ARHGAP32: variants seen among roughly 807,000 people sequenced by gnomAD.
ARHGAP32 encodes the protein Rho GTPase activating protein 32.
In ARHGAP32, 51 loss-of-function variants were observed where a neutral mutation model predicts 186.5. That is an observed-to-expected ratio of 0.27 (90% CI 0.22 to 0.35). The LOEUF (loss-of-function observed/expected upper bound fraction) is 0.35, where lower values mean the gene tolerates loss of function less well. Among genes scored for constraint, ARHGAP32 ranks in the 10% least tolerant of loss-of-function variants. The probability of loss-of-function intolerance (pLI) is 1.00; values close to 1 mark genes in which losing one functional copy is unlikely to be tolerated. For synonymous variants in ARHGAP32, 950 were observed against 964.3 expected (o/e 0.99, Z 0.27); for missense variants, 2,186 against 2,623.5 (o/e 0.83, Z 3.64).
At chr11:128,984,343 C>T (rs1473833932) in intron 15 of ARHGAP32, among the ~76,000 whole-genome samples, 1 of 151,710 alleles carries the variant, frequency 6.6e-6, no homozygotes, top group Admixed American at 6.6e-5. Context: ...CCACTGCACT[C>T]CAGCCTGGGT....
At chr11:129,069,105 T>C (rs1940790270) in intron 6 of ARHGAP32, among the ~76,000 whole-genome samples, 1 of 152,088 alleles carries the variant, frequency 6.6e-6, no homozygotes, top group South Asian at 2.1e-4. Flanking sequence ...TTTTAGAAAC[T>C]GCATTTGAAA....
intron 1 of ARHGAP32, among the ~76,000 whole-genome samples, chr11:129,239,567 C>T (rs1369681622): frequency 6.6e-6 from 1 of 152,050 alleles, no homozygotes; most frequent in Non-Finnish European, 1.5e-5. Context: ...TGGATGATAC[C>T]AATTCTGCTA....
intron 1 of ARHGAP32, among the ~76,000 whole-genome samples, chr11:129,214,081 C>T (rs1190157952): frequency 3.3e-5 from 5 of 151,560 alleles, no homozygotes; most frequent in Non-Finnish European, 7.4e-5. Context: ...AATAACTGAC[C>T]AGTACTAGTC....
chr11:129,153,208 CA>C (rs1943328220), intron 2 of ARHGAP32, among the ~76,000 whole-genome samples: 2 of 151,218 alleles, frequency 1.3e-5, no homozygotes, highest in Admixed American at 6.6e-5. Flanking sequence ...AGGAAAACTG[CA>C]AAACACTGCT....
chr11:129,209,267 TTTAA>T (rs1189876283), intron 1 of ARHGAP32, among the ~76,000 whole-genome samples: 1 of 152,094 alleles, frequency 6.6e-6, no homozygotes, highest in Non-Finnish European at 1.5e-5. Flanking sequence ...TGAAAATTAT[TTTAA>T]TTAGAACTTA....
At chr11:128,992,294 C>G (rs998682276) in intron 12 of ARHGAP32, among the ~76,000 whole-genome samples, 1 of 151,938 alleles carries the variant, frequency 6.6e-6, no homozygotes, top group Non-Finnish European at 1.5e-5. Context: ...TTCTATAAAA[C>G]TCTCACTATT....
chr11:128,989,678 T>C (rs958323656), intron 12 of ARHGAP32, among the ~76,000 whole-genome samples: 3 of 152,094 alleles, frequency 2.0e-5, no homozygotes, highest in Admixed American at 2.0e-4. Flanking sequence ...ATCATCTACA[T>C]TGAGTATTTC....
chr11:129,066,640 T>C (rs1940699795), intron 7 of ARHGAP32, 91 bp downstream of exon 7: 1 of 1,207,334 alleles, frequency 8.3e-7, no homozygotes, highest in Non-Finnish European at 1.1e-6. Flanking sequence ...CCCTGCGTGT[T>C]CAGTATAAGC....
intron 8 of ARHGAP32, 88 bp from the exon 9 acceptor site, chr11:129,064,112 T>G: frequency 1.6e-6 from 2 of 1,274,288 alleles, no homozygotes; most frequent in East Asian, 5.1e-5. Flanking sequence ...CATTTTAATT[T>G]AGAGATACAA....
intron 5 of ARHGAP32, among the ~76,000 whole-genome samples, chr11:129,108,851 G>A (rs1942122977): frequency 6.6e-6 from 1 of 152,098 alleles, no homozygotes; most frequent in Admixed American, 6.5e-5. Flanking sequence ...AGCACAGAAA[G>A]CGTCATTACC....
intron 10 of ARHGAP32, among the ~76,000 whole-genome samples, chr11:129,048,542 A>G (rs1939906904): frequency 6.6e-6 from 1 of 152,130 alleles, no homozygotes; most frequent in African/African-American, 2.4e-5. Context: ...CCAAAGGGTG[A>G]AGGGTTTAAG....
chr11:129,177,787 T>G lies in ARHGAP32; in HGVS notation c.117-13360A>C, dbSNP rs558354872. On this transcript the variant is annotated intron_variant, in intron 1 of 22. Transcript: ENST00000682385. ...AAATTAGGTATTGATGGGACATATC[T>G]CAAAATAATAAGAGCTATCTATGAC... is the stretch of plus-strand genomic sequence containing the variant. Among the ~76,000 whole-genome samples, 191 of 152,218 alleles carry G rather than the reference T, an allele frequency of 1.3e-3. 3 individuals carry two copies. The highest frequency in any genetic ancestry group is 4.3e-3 in the African/African-American group (180 of 41,534).
intron 5 of ARHGAP32, among the ~76,000 whole-genome samples, chr11:129,122,918 T>C (rs1015765767): frequency 2.0e-5 from 3 of 152,140 alleles, no homozygotes; most frequent in Non-Finnish European, 4.4e-5. Context: ...TTTTAATAGT[T>C]TTTTCACATT....
At chr11:128,991,010 A>G (rs1223902831) in intron 12 of ARHGAP32, among the ~76,000 whole-genome samples, 1 of 152,162 alleles carries the variant, frequency 6.6e-6, no homozygotes, top group Admixed American at 6.6e-5. Flanking sequence ...TTTTATTTCC[A>G]TATTATCAGG....
rs35715241 is a variant in ARHGAP32, at chr11:129,169,631, C to CAA, written c.117-5206_117-5205dup. On this transcript the variant is annotated intron_variant, in intron 1 of 22. Transcript: ENST00000682385. Reference sequence around the variant, plus strand: ...TGGGCCACAGAGTGAGACTCTGTCTCAAAAAAAAAAAAAAAAAAAAAAAAG... The same window carrying CAA: ...TGGGCCACAGAGTGAGACTCTGTCTCAAAAAAAAAAAAAAAAAAAAAAAAAAG... Among the ~76,000 whole-genome samples, 239 of 75,022 alleles carry CAA rather than the reference C, an allele frequency of 3.2e-3. 3 individuals carry two copies. Among genetic ancestry groups the CAA allele is most frequent in the African/African-American group, 7.0e-3 (129 of 18,444 alleles). 49.2% of individuals were successfully genotyped at this position (75,022 alleles called of 152,430 possible).
At chr11:128,988,620 T>C (rs910236575) in intron 12 of ARHGAP32, among the ~76,000 whole-genome samples, 3 of 152,222 alleles carry the variant, frequency 2.0e-5, no homozygotes, top group South Asian at 4.1e-4. Flanking sequence ...TATATTTTCA[T>C]AGTTAATGCA....
At chr11:129,275,179 G>A (rs1359023368) in intron 1 of ARHGAP32, among the ~76,000 whole-genome samples, 1 of 152,126 alleles carries the variant, frequency 6.6e-6, no homozygotes, top group South Asian at 2.1e-4. Flanking sequence ...TAACACTCAG[G>A]AAAATAACTC....
chr11:129,213,227 C>G (rs572721951), intron 1 of ARHGAP32, among the ~76,000 whole-genome samples: 4 of 152,290 alleles, frequency 2.6e-5, no homozygotes, highest in African/African-American at 7.2e-5. Context: ...CCCCAAGTCA[C>G]TAACAGGCTG....
In ARHGAP32 at chr11:129,015,138, A is replaced by G. The variant is rs145324762; in HGVS notation, c.1046-16670T>C. Among the ~76,000 whole-genome samples, 21 of 152,336 alleles carry G rather than the reference A, an allele frequency of 1.4e-4. No individual in the cohort carries two copies. The East Asian group carries it at 2.9e-3, about 21-fold the overall frequency. ...AGAATTGGAAAAAAGTGCTGAAACA[A>G]AACTCCTATTGTATTATACCTAGTT... is the stretch of plus-strand genomic sequence containing the variant. On this transcript the variant is annotated intron_variant, in intron 11 of 22. Coordinates refer to ENST00000682385, the MANE Select transcript of ARHGAP32 (RefSeq NM_001378024.1).
Sources: allele counts gnomAD v4.1 joint callset (sites outside exome capture counted in the v4.1 genomes callset), GRCh38; gene constraint gnomAD v4.1.1; transcripts MANE v1.5; gene names NCBI Gene and HGNC (gene_info 2026-07-23, HGNC 2026-07-21).